The following SCML1 variants were observed in gnomAD, a reference collection of about 807,000 sequenced individuals.
SCML1 encodes the protein Scm polycomb group protein like 1.
For synonymous variants in SCML1, 104 were observed against 103.6 expected, an observed-to-expected ratio of 1.00 and a Z score of -0.02; for missense variants, 137 against 258.1, an observed-to-expected ratio of 0.53 and a Z score of 3.22.
At position 17,753,267 on chromosome X, in the gene SCML1, G is replaced by A; in HGVS notation, c.865G>A (p.Gly289Arg). 1 of 1,139,423 alleles carries A rather than the reference G, an allele frequency of 8.8e-7. No homozygotes were observed. 93.9% of individuals were successfully genotyped at this position (1,139,423 alleles called of 1,213,427 possible). A position where few individuals can be genotyped will look rare whatever the true frequency, so the allele number is the denominator to read the frequency against. ...TTTCTTCTCTCCATAGGAAATTGAC[G>A]GGAAGGCTCTGCTCCTACTCACGAG... ...VDLFRSHEID[G>R]KALLLLTSDV... The change falls in exon 8 of 8, where the codon GGG (glycine) becomes AGG (arginine). Residue 289 changes from glycine to arginine, a missense_variant. Coordinates refer to ENST00000380041, the MANE Select transcript of SCML1 (RefSeq NM_001037540.3).
Position 17,749,517 on chromosome X carries a change from A to G in SCML1, c.303+13A>G, listed in dbSNP as rs779258256. 8.5e-6 allele frequency: 9 copies of G among 1,063,587 alleles called. No individual in the cohort carries two copies. The East Asian group carries it at 2.4e-4, about 29-fold the overall frequency. 87.7% of individuals were successfully genotyped at this position (1,063,587 alleles called of 1,213,427 possible). A position where few individuals can be genotyped will look rare whatever the true frequency, so the allele number is the denominator to read the frequency against. On this transcript the variant is annotated intron_variant, in intron 5 of 7. Coordinates refer to ENST00000380041, the MANE Select transcript of SCML1 (RefSeq NM_001037540.3). ...GTGGACAAATCATGTAAGTGTTATA[A>G]AAAACATTTTTACAACTGTGATAAA... is the stretch of plus-strand genomic sequence containing the variant.
At chrX:17,737,479 G>A (rs764993772), upstream of SCML1, 3 of 85,215 alleles carry the variant, frequency 3.5e-5, no homozygotes, top group Admixed American at 1.8e-4. Context: ...GGCGTCGCGG[G>A]AGCTCTCTGA....
At chrX:17,752,933 CTT>C (rs2147184681) in intron 7 of SCML1, among the ~76,000 whole-genome samples, 1 of 110,750 alleles carries the variant, frequency 9.0e-6, no homozygotes, top group East Asian at 2.8e-4. Context: ...TATTCATAGT[CTT>C]TACTATTTTG....
Position 17,750,016 on chromosome X carries a change from A to G in SCML1, c.426A>G (p.Pro142=). 8.3e-7 allele frequency: 1 copy of G among 1,211,687 alleles called. No homozygotes were observed. The highest frequency in any genetic ancestry group is 1.1e-6 in the Non-Finnish European group (1 of 895,408). ...CTGAAAGTTACAGCCCCACTTTACC[A>G]GTGTCAAGGCGTGAGAATAATTCCC... ...SYPESYSPTL[P]VSRRENNSPS... Residue 142 remains proline (P), a synonymous_variant, in exon 6 of 8, where the codon CCA becomes CCG. Transcript: ENST00000380041.
intron 4 of SCML1, among the ~76,000 whole-genome samples, chrX:17,748,080 T>C (rs1487373724): frequency 8.9e-6 from 1 of 111,760 alleles, no homozygotes; most frequent in Non-Finnish European, 1.9e-5. Context: ...AGGTCTGGGG[T>C]ACAACCTGGC....
intron 6 of SCML1, 129 bp from the exon 7 acceptor site, chrX:17,751,686 C>T (rs1437941520): frequency 3.2e-5 from 22 of 697,501 alleles, no homozygotes; most frequent in Non-Finnish European, 4.6e-5. Context: ...GTCTTGACTC[C>T]TTGCTAGGAA....
chrX:17,741,739 A>G, intron 1 of SCML1, among the ~76,000 whole-genome samples: 1 of 111,050 alleles, frequency 9.0e-6, no homozygotes, highest in South Asian at 3.8e-4. Flanking sequence ...GGATAAGTGG[A>G]AAAGAGGGAT....
chrX:17,749,279 C>T (rs2066679147), intron 4 of SCML1, 121 bp from the exon 5 acceptor site: 2 of 444,948 alleles, frequency 4.5e-6, no homozygotes, highest in Admixed American at 4.9e-5. Context: ...GGCTTGAGAA[C>T]TTTTGTTGTG....
rs772941642 is a variant in SCML1, at chrX:17,749,874, CTG to C, written c.304-16_304-15del. On this transcript the variant is annotated intron_variant, in intron 5 of 7. Transcript: ENST00000380041. ...CTTTTTTACTCACTGTTGGTTTATG[CTG>C]TGTTTGTGTGATTTCAGAAGCGATA... is the stretch of plus-strand genomic sequence containing the variant. The C allele has an allele frequency of 5.7e-5, 67 of 1,181,646 alleles. No individual in the cohort carries two copies. In the African/African-American group the frequency reaches 5.7e-4, roughly 10 times the overall value.
intron 1 of SCML1, chrX:17,738,080 T>A (rs897246518): frequency 7.1e-5 from 8 of 112,847 alleles, no homozygotes; most frequent in Admixed American, 1.9e-4. Flanking sequence ...CTTTTGCGGT[T>A]GAGACATAGA....
chrX:17,739,390 G>A (rs892726358), intron 1 of SCML1, among the ~76,000 whole-genome samples: 6 of 110,725 alleles, frequency 5.4e-5, no homozygotes, highest in South Asian at 7.7e-4. Context: ...TTAGATTTCC[G>A]GGGTAAATAT....
intron 1 of SCML1, among the ~76,000 whole-genome samples, chrX:17,739,839 ACT>A (rs1318738167): frequency 4.9e-5 from 4 of 81,171 alleles, no homozygotes; most frequent in Non-Finnish European, 6.5e-5. Flanking sequence ...ACAGAGTAAG[ACT>A]CTGTCTCAAA....
At chrX:17,742,775 A>C (rs1384062940) in intron 1 of SCML1, among the ~76,000 whole-genome samples, 2 of 112,415 alleles carry the variant, frequency 1.8e-5, no homozygotes, top group African/African-American at 6.5e-5. Context: ...GTGTTTAATA[A>C]ATCATGGCAT....
intron 2 of SCML1, 86 bp downstream of exon 2, chrX:17,744,305 A>G: frequency 4.2e-6 from 3 of 719,902 alleles, no homozygotes; most frequent in Non-Finnish European, 6.4e-6. Context: ...TATACAGTGA[A>G]ATGCATAGAT....
At position 17,744,216 on chromosome X, in the gene SCML1, T is replaced by C; in HGVS notation, c.30T>C (p.Asp10=). The change falls in exon 2 of 8, where the codon GAT becomes GAC. Residue 10 remains aspartate (D), a synonymous_variant. Transcript: ENST00000380041. ...TGTCTAACAGCTCCAGTGAAATCGA[T>C]GTGGTTTGTATTCAAATTGAAAATC... MMSNSSSEI[D]VIKTRIPTYD... is the part of the protein sequence containing the mutation. The C allele has an allele frequency of 8.3e-7, 1 of 1,198,689 alleles. No individual in the cohort carries two copies. The highest frequency in any genetic ancestry group is 3.0e-5 in the East Asian group (1 of 33,721).
intron 1 of SCML1, among the ~76,000 whole-genome samples, chrX:17,741,437 G>A (rs753287918): frequency 9.0e-6 from 1 of 111,585 alleles, no homozygotes; most frequent in Non-Finnish European, 1.9e-5. Context: ...TGACCTCTGC[G>A]CAGTGGGCGG....
intron 1 of SCML1, among the ~76,000 whole-genome samples, chrX:17,739,669 T>G (rs927674990): frequency 2.8e-5 from 3 of 109,029 alleles, no homozygotes; most frequent in Admixed American, 9.8e-5. Context: ...GCCAACATGG[T>G]GAAACCCAGT....
intron 4 of SCML1, among the ~76,000 whole-genome samples, chrX:17,747,341 C>A (rs951899110): frequency 9.0e-6 from 1 of 111,037 alleles, no homozygotes; most frequent in African/African-American, 3.3e-5. Context: ...AGTCCCTGTC[C>A]CTCCTTCCCC....
chrX:17,753,318 G>T lies in SCML1; in HGVS notation c.916G>T (p.Val306Leu), dbSNP rs770207757. ...TSDVLLKHLG[V>L]KLGTAVKLCY... is the part of the protein sequence containing the mutation. ...TGACGTGTTGCTGAAGCACTTGGGG[G>T]TGAAGCTGGGAACGGCTGTGAAGCT... Residue 306 changes from valine (V) to leucine (L), a missense_variant, in exon 8 of 8, where the codon GTG (valine) becomes TTG (leucine). Transcript: ENST00000380041. The T allele has an allele frequency of 4.2e-6, 5 of 1,183,584 alleles. No individual in the cohort carries two copies. The highest frequency in any genetic ancestry group is 5.7e-6 in the Non-Finnish European group (5 of 878,640).
Sources: gnomAD v4.1 joint callset for allele counts (sites outside exome capture counted in the v4.1 genomes callset) on GRCh38, gnomAD v4.1.1 for gene constraint, MANE v1.5 for transcripts, NCBI Gene and HGNC (gene_info 2026-07-23, HGNC 2026-07-21) for gene names.